TBC1D24: variants seen among roughly 807,000 people sequenced by gnomAD.
TBC1D24 encodes TBC1 domain family member 24.
In TBC1D24, 47 loss-of-function variants were observed where a neutral mutation model predicts 50.7. The ratio of observed to expected loss-of-function variants is 0.93; its 90% CI spans 0.73 to 1.18. The LOEUF is 1.18. Ranked by LOEUF, TBC1D24 falls within the 50% of genes most tolerant of loss-of-function variation. TBC1D24 has a pLI of 0.00. For missense variants in TBC1D24, 688 were observed against 766.5 expected (o/e 0.90, Z 1.21); for synonymous variants, 324 against 335.2 (o/e 0.97, Z 0.36).
Position 2,485,890 on chromosome 16 carries a change from C to T in TBC1D24, c.-115-10144C>T, listed in dbSNP as rs572625666. On this transcript the variant is annotated intron_variant, in intron 1 of 7. Transcript: ENST00000646147. The surrounding 1 kb of genome is among the most constrained non-coding windows in gnomAD (Gnocchi z 4.6). ...GCTTCCAGGCCCTCTCAGCCACCCC[C>T]ACACCGTCCCTACCATTCCCACCTG... is the stretch of plus-strand genomic sequence containing the variant. 6.6e-6 allele frequency among the ~76,000 whole-genome samples: 1 copy of T among 152,218 alleles called. No individual in the cohort carries two copies. The highest frequency in any genetic ancestry group is 2.4e-5 in the African/African-American group (1 of 41,456).
At position 2,500,421 on chromosome 16, in the gene TBC1D24, C is replaced by T. The variant is rs750028854; in HGVS notation, c.1456C>T (p.Arg486Cys). 27 of 1,602,136 alleles carry T rather than the reference C, an allele frequency of 1.7e-5. No individual in the cohort carries two copies. The Admixed American group carries it at 1.7e-4, about 10-fold the overall frequency. The part of the protein sequence containing the change: ...ADRLSPFLAA[R>C]HFNLPSKTES... The stretch of plus-strand genomic sequence containing the variant: ...CCGCCTCTCGCCCTTCCTGGCCGCT[C>T]GCCACTTCAACCTGCCCTCCAAGAC... The change falls in exon 7 of 8, where the codon CGC becomes TGC. Residue 486 changes from arginine (R) to cysteine (C), a missense_variant. Arg to Cys is a radical substitution (Grantham distance 180). Transcript: ENST00000646147. The surrounding 1 kb of genome is among the most constrained non-coding windows in gnomAD (Gnocchi z 8.0).
rs1308834864 is a variant in TBC1D24 at position 2,503,423 on chromosome 16, C to T, written c.*2465C>T. ...CTATTTCTTCTTGATTATTTATTAG[C>T]TTTGGATGTTAAAAATTAGCCAAAA... On this transcript the variant is annotated 3_prime_UTR_variant, in exon 8 of 8. Transcript: ENST00000646147. The T allele has an allele frequency of 6.6e-6, 1 of 150,864 alleles. No individual in the cohort carries two copies. The highest frequency in any genetic ancestry group is 1.5e-5 in the Non-Finnish European group (1 of 67,852). 9.3% of individuals were successfully genotyped at this position (150,864 alleles called of 1,614,324 possible). A position where few individuals can be genotyped will look rare whatever the true frequency, so the allele number is the denominator to read the frequency against.
At position 2,501,048 on chromosome 16, in the gene TBC1D24, A is replaced by C; in HGVS notation, c.*90A>C. ...GCAGCAGAGAGCAGATGAAACCCCCATGTGGTAGGCAGGGTTGGGGGACGG... is the reference window on the plus strand; with the variant it reads ...GCAGCAGAGAGCAGATGAAACCCCCCTGTGGTAGGCAGGGTTGGGGGACGG... On this transcript the variant is annotated 3_prime_UTR_variant, in exon 8 of 8. Transcript: ENST00000646147. The C allele has an allele frequency of 2.0e-5, 30 of 1,521,908 alleles. No homozygotes were observed. Among genetic ancestry groups the C allele is most frequent in the Non-Finnish European group, 2.5e-5 (28 of 1,119,654 alleles). 94.3% of individuals were successfully genotyped at this position (1,521,908 alleles called of 1,614,324 possible). A position where few individuals can be genotyped will look rare whatever the true frequency, so the allele number is the denominator to read the frequency against.
Position 2,496,184 on chromosome 16 carries a change from A to G in TBC1D24, c.36A>G (p.Lys12=), listed in dbSNP as rs752594126. The part of the protein sequence containing the change: ...DSPGYNCFVD[K]DKMDAAIQDL... ...CAGGATACAACTGCTTCGTGGACAA[A>G]GACAAGATGGACGCTGCCATCCAGG... Residue 12 remains lysine (K), a synonymous_variant, in exon 2 of 8, where the codon AAA becomes AAG. Transcript: ENST00000646147. 3.7e-6 allele frequency: 6 copies of G among 1,613,962 alleles called. No homozygotes were observed. Among genetic ancestry groups the G allele is most frequent in the Non-Finnish European group, 5.1e-6 (6 of 1,180,020 alleles).
In TBC1D24 at chr16:2,500,197, G is replaced by C. The variant is rs894604287; in HGVS notation, c.1303-71G>C. 2.1e-6 allele frequency: 3 copies of C among 1,403,786 alleles called. No homozygotes were observed. The highest frequency in any genetic ancestry group is 3.0e-6 in the Non-Finnish European group (3 of 1,015,016). The allele number at this position is 1,403,786 out of a possible 1,614,324, so 87.0% of individuals were successfully genotyped here. On this transcript the variant is annotated intron_variant, in intron 6 of 7. Coordinates refer to ENST00000646147, the MANE Select transcript of TBC1D24 (RefSeq NM_001199107.2). This position sits in a 1 kb window ranked among gnomAD's most constrained non-coding sequence, Gnocchi z 8.0. ...TGGGTGCAGATTCACGGGATGAAAC[G>C]GGTTGTGGCTCTGGGGCAGAGGGGC...
chr16:2,478,861 A>G (rs534237718), intron 1 of TBC1D24: 1 of 150,938 alleles, frequency 6.6e-6, no homozygotes, highest in South Asian at 2.1e-4. Flanking sequence ...AGCTTCCCAA[A>G]TAGCTGGGAC....
chr16:2,500,467 G>C lies in TBC1D24; in HGVS notation c.1502G>C (p.Gly501Ala). The C allele has an allele frequency of 6.3e-7, 1 of 1,580,184 alleles. No homozygotes were observed. Among genetic ancestry groups the C allele is most frequent in the Non-Finnish European group, 8.6e-7 (1 of 1,163,538 alleles). The change falls in exon 7 of 8, where the codon GGG (glycine) becomes GCG (alanine). Residue 501 changes from glycine to alanine, a missense_variant. By Grantham distance (60) the Gly-to-Ala change is moderately conservative (BLOSUM62 0). Coordinates refer to ENST00000646147, the MANE Select transcript of TBC1D24 (RefSeq NM_001199107.2). This position sits in a 1 kb window ranked among gnomAD's most constrained non-coding sequence, Gnocchi z 8.0. ...PSKTESMFMA[G>A]GSDCLIVGGG... ...AAGACCGAGTCCATGTTCATGGCGG[G>C]GGGCAGCGACTGCCTCATCGTCGGT...
At position 2,503,572 on chromosome 16, in the gene TBC1D24, T is replaced by TA. The variant is rs1033617477; in HGVS notation, c.*2614_*2615insA. The TA allele has an allele frequency of 1.3e-5, 2 of 151,342 alleles. No homozygotes were observed. The highest frequency in any genetic ancestry group is 4.8e-5 in the African/African-American group (2 of 41,344). The allele number at this position is 151,342 out of a possible 1,614,324, so 9.4% of individuals were successfully genotyped here. ...ACATTCAAAGAATTATTTTTTGATT[T>TA]TTTTTTTTTTTGGGACAGAGTCACC... On this transcript the variant is annotated 3_prime_UTR_variant, in exon 8 of 8. Transcript: ENST00000646147.
intron 1 of TBC1D24, among the ~76,000 whole-genome samples, chr16:2,494,149 C>T (rs184928261): frequency 3.6e-4 from 55 of 152,322 alleles, no homozygotes; most frequent in Admixed American, 7.8e-4. Flanking sequence ...CGTGGTGGCT[C>T]ACGCCTGTAA....
chr16:2,495,000 C>A (rs1346260679), intron 1 of TBC1D24, among the ~76,000 whole-genome samples: 3 of 145,472 alleles, frequency 2.1e-5, no homozygotes, highest in Middle Eastern at 3.5e-3. Flanking sequence ...AACAAGACCC[C>A]ATCACACACA....
chr16:2,497,160 G>A, intron 2 of TBC1D24, 47 bp downstream of exon 2: 1 of 1,597,514 alleles, frequency 6.3e-7, no homozygotes, highest in Non-Finnish European at 8.5e-7. Flanking sequence ...GTCGGGGGCT[G>A]GGGCAGGACG....
At chr16:2,476,073 C>A (rs2065565705) in intron 1 of TBC1D24, among the ~76,000 whole-genome samples, 1 of 152,276 alleles carries the variant, frequency 6.6e-6, no homozygotes, top group Non-Finnish European at 1.5e-5. Context: ...GGGCGTCAGC[C>A]TGCCCTTCCA....
At chr16:2,495,924 C>T (rs574860046) in intron 1 of TBC1D24, 110 bp from the exon 2 acceptor site, 6 of 562,234 alleles carry the variant, frequency 1.1e-5, no homozygotes, top group East Asian at 6.7e-5. Flanking sequence ...GGCAACAGAG[C>T]GAGACCCTGT....
rs1426774368 is a variant in TBC1D24 at position 2,485,019 on chromosome 16, T to G, written c.-116+9849T>G. 6.6e-6 allele frequency: 1 copy of G among 151,958 alleles called. No individual in the cohort carries two copies. The highest frequency in any genetic ancestry group is 1.5e-5 in the Non-Finnish European group (1 of 67,970). 9.4% of individuals were successfully genotyped at this position (151,958 alleles called of 1,614,324 possible). ...TCCACACCCCGCTCCAGGTCTGCTT[T>G]TAGGCCCCAGTCCCTGCCCCATCTA... is the stretch of plus-strand genomic sequence containing the variant. On this transcript the variant is annotated intron_variant, in intron 1 of 7. Transcript: ENST00000646147. This position sits in a 1 kb window ranked among gnomAD's most constrained non-coding sequence, Gnocchi z 4.6.
At chr16:2,480,034 G>T (rs561445468) in intron 1 of TBC1D24, 5 of 152,302 alleles carry the variant, frequency 3.3e-5, no homozygotes, top group African/African-American at 1.2e-4. Context: ...GTTTCACCAT[G>T]TTGGCCTGGC....
intron 2 of TBC1D24, 61 bp from the exon 3 acceptor site, chr16:2,497,649 A>T: frequency 6.6e-7 from 1 of 1,506,382 alleles, no homozygotes. Context: ...TACTCACACT[A>T]ACCTCTCTTT....
chr16:2,496,813 T>C lies in TBC1D24; in HGVS notation c.665T>C (p.Leu222Pro), dbSNP rs997611775. The change falls in exon 2 of 8, where the codon CTC (leucine) becomes CCC (proline). Residue 222 changes from leucine to proline, a missense_variant. Coordinates refer to ENST00000646147, the MANE Select transcript of TBC1D24 (RefSeq NM_001199107.2). ...CGCTGGCTGTTTGGGGAGCTGCCCC[T>C]CTGCTACTTCGCCCGGGTCTTTGAC... ...WQRWLFGELP[L>P]CYFARVFDVF... 1 of 1,614,024 alleles carries C rather than the reference T, an allele frequency of 6.2e-7. No homozygotes were observed. Among genetic ancestry groups the C allele is most frequent in the Non-Finnish European group, 8.5e-7 (1 of 1,180,034 alleles).
rs1270694949 is a variant in TBC1D24 at position 2,483,418 on chromosome 16, G to C, written c.-116+8248G>C. On this transcript the variant is annotated intron_variant, in intron 1 of 7. Coordinates refer to ENST00000646147, the MANE Select transcript of TBC1D24 (RefSeq NM_001199107.2). This position sits in a 1 kb window ranked among gnomAD's most constrained non-coding sequence, Gnocchi z 4.0. Reference sequence around the variant, plus strand: ...GCGGGAGTTGGGGCTTGGCAAGACGGTCCAGGCTGAGCTGGCAAGAGAGAA... The same window carrying C: ...GCGGGAGTTGGGGCTTGGCAAGACGCTCCAGGCTGAGCTGGCAAGAGAGAA... 1.3e-5 allele frequency: 2 copies of C among 152,536 alleles called. No individual in the cohort carries two copies. Among genetic ancestry groups the C allele is most frequent in the African/African-American group, 4.8e-5 (2 of 41,464 alleles). The allele number at this position is 152,536 out of a possible 1,614,324, so 9.4% of individuals were successfully genotyped here. A position where few individuals can be genotyped will look rare whatever the true frequency, so the allele number is the denominator to read the frequency against.
At position 2,499,464 on chromosome 16, in the gene TBC1D24, A is replaced by G. The variant is rs2065772222; in HGVS notation, c.1206+44A>G. 6.4e-7 allele frequency: 1 copy of G among 1,573,706 alleles called. No individual in the cohort carries two copies. The highest frequency in any genetic ancestry group is 2.3e-5 in the East Asian group (1 of 44,438). Reference sequence around the variant, plus strand: ...GCCAGGGCTGGCTCTGATGGGCTCCAGGGCTGGCTCTGATGGGCTCCAGGG... The same window carrying G: ...GCCAGGGCTGGCTCTGATGGGCTCCGGGGCTGGCTCTGATGGGCTCCAGGG... On this transcript the variant is annotated intron_variant, in intron 5 of 7. Transcript: ENST00000646147. This position sits in a 1 kb window ranked among gnomAD's most constrained non-coding sequence, Gnocchi z 4.0.
Sources: allele counts gnomAD v4.1 joint callset (sites outside exome capture counted in the v4.1 genomes callset), GRCh38; gene constraint gnomAD v4.1.1; non-coding constraint Gnocchi (gnomAD v3.1); transcripts MANE v1.5; gene names NCBI Gene and HGNC (gene_info 2026-07-23, HGNC 2026-07-21).